The following MYCT1 variants were observed in gnomAD, a reference collection of about 807,000 sequenced individuals.
MYCT1 encodes the protein myc target protein 1.
A neutral mutation model predicts 15.0 loss-of-function variants in MYCT1; 12 were observed. The ratio of observed to expected loss-of-function variants is 0.80; its 90% CI spans 0.51 to 1.29. The LOEUF is 1.29. Among genes scored for constraint, MYCT1 ranks in the 50% most tolerant of loss-of-function variants. MYCT1 has a pLI of 0.00. For synonymous variants in MYCT1, 104 were observed against 102.7 expected, an observed-to-expected ratio of 1.01 and a Z score of -0.07; for missense variants, 287 against 279.1, an observed-to-expected ratio of 1.03 and a Z score of -0.20.
intron 1 of MYCT1, chr6:152,706,019 A>G (rs2244197): frequency 0.7 from 692,927 of 996,098 alleles, 245,207 homozygotes; most frequent in East Asian, 0.84. Flanking sequence ...TGGCCTCTCC[A>G]TTAACTACAG....
At chr6:152,728,956 A>G (rs2099726111), downstream of MYCT1, among the ~76,000 whole-genome samples, 1 of 152,198 alleles carries the variant, frequency 6.6e-6, no homozygotes, top group Admixed American at 6.5e-5. Context: ...GAATAGCAAC[A>G]GAATACAGTC....
At chr6:152,731,695 G>A in the MYCT1 span, among the ~76,000 whole-genome samples, 3 of 151,590 alleles carry the variant, frequency 2.0e-5, no homozygotes, top group South Asian at 4.2e-4. Context: ...AATTATTGAA[G>A]AGCCCACTCC....
At chr6:152,714,049 T>C (rs2099723196) in intron 1 of MYCT1, among the ~76,000 whole-genome samples, 1 of 151,998 alleles carries the variant, frequency 6.6e-6, no homozygotes, top group Non-Finnish European at 1.5e-5. Flanking sequence ...CTTGAAAGGG[T>C]CAGTTCATAA....
rs979498357 is a variant in MYCT1 at position 152,722,482 on chromosome 6, T to C, written c.*229T>C. 2.1e-5 allele frequency: 10 copies of C among 474,220 alleles called. No individual in the cohort carries two copies. The highest frequency in any genetic ancestry group is 1.2e-4 in the Admixed American group (3 of 25,592). The allele number at this position is 474,220 out of a possible 1,614,324, so 29.4% of individuals were successfully genotyped here. On this transcript the variant is annotated 3_prime_UTR_variant, in exon 2 of 2. Coordinates refer to ENST00000367245, the MANE Select transcript of MYCT1 (RefSeq NM_025107.3). ...TTTTCCCCCAAGCGTTTTATATTTA[T>C]GTATTTTGTATTCAATGTGAGGCTT...
intron 1 of MYCT1, among the ~76,000 whole-genome samples, chr6:152,702,637 T>C (rs558623783): frequency 9.3e-4 from 141 of 152,190 alleles, no homozygotes; most frequent in African/African-American, 3.3e-3. Flanking sequence ...CATAGGATGT[T>C]CCCCAAGAAG....
chr6:152,708,714 A>T (rs2099722710), intron 1 of MYCT1, among the ~76,000 whole-genome samples: 1 of 152,058 alleles, frequency 6.6e-6, no homozygotes, highest in South Asian at 2.1e-4. Flanking sequence ...TTACTCTGAT[A>T]CTATTTCTGA....
chr6:152,717,097 A>G (rs1163142301), intron 1 of MYCT1, among the ~76,000 whole-genome samples: 1 of 152,166 alleles, frequency 6.6e-6, no homozygotes, highest in Non-Finnish European at 1.5e-5. Context: ...CTGTATGACC[A>G]GTAGATGCTG....
In MYCT1 at chr6:152,722,339, G is replaced by T; in HGVS notation, c.*86G>T. 2 of 1,374,132 alleles carry T rather than the reference G, an allele frequency of 1.5e-6. No homozygotes were observed. Among genetic ancestry groups the T allele is most frequent in the Non-Finnish European group, 2.0e-6 (2 of 1,021,052 alleles). The allele number at this position is 1,374,132 out of a possible 1,614,324, so 85.1% of individuals were successfully genotyped here. A position where few individuals can be genotyped will look rare whatever the true frequency, so the allele number is the denominator to read the frequency against. On this transcript the variant is annotated 3_prime_UTR_variant, in exon 2 of 2. Transcript: ENST00000367245. The stretch of plus-strand genomic sequence containing the variant: ...AAATAGGCTAAACAGAATTTTGAGG[G>T]CATGGCCCAAATAACTCATGAGTTC...
Position 152,721,893 on chromosome 6 carries a change from C to T in MYCT1, c.348C>T (p.Tyr116=). Reference sequence around the variant, plus strand: ...CAAGCAGGAGATCTAGGTCTTCTTACACCCACGGCCTCAACAGAACTGGAT... The same window carrying T: ...CAAGCAGGAGATCTAGGTCTTCTTATACCCACGGCCTCAACAGAACTGGAT... ...WSSSRRSRSS[Y]THGLNRTGFY... is the part of the protein sequence containing the mutation. The change falls in exon 2 of 2, where the codon TAC becomes TAT. Residue 116 remains tyrosine, a synonymous_variant. Transcript: ENST00000367245. 1 of 1,614,128 alleles carries T rather than the reference C, an allele frequency of 6.2e-7. No individual in the cohort carries two copies. Among genetic ancestry groups the T allele is most frequent in the East Asian group, 2.2e-5 (1 of 44,872 alleles).
chr6:152,721,923 C>G lies in MYCT1; in HGVS notation c.378C>G (p.Tyr126Ter), dbSNP rs529302802. 200 of 1,614,138 alleles carry G rather than the reference C, an allele frequency of 1.2e-4. No homozygotes were observed. Among genetic ancestry groups the G allele is most frequent in the Non-Finnish European group, 1.6e-4 (194 of 1,180,006 alleles). The change falls in exon 2 of 2, where the codon TAC (tyrosine) becomes TAG (stop). Residue 126 changes from tyrosine to a stop codon, truncating the protein, a stop_gained. Transcript: ENST00000367245. LOFTEE classifies it high-confidence loss of function. Reference protein sequence around the residue: ...YTHGLNRTGFYRHSGCERRSN... With the variant: ...YTHGLNRTGF The stretch of plus-strand genomic sequence containing the variant: ...ACGGCCTCAACAGAACTGGATTTTA[C>G]CGCCACAGTGGCTGTGAACGTCGAA...
rs1052717053 is a variant in MYCT1 at position 152,723,250 on chromosome 6, A to G, written c.*997A>G. 21 of 152,122 alleles carry G rather than the reference A, an allele frequency of 1.4e-4. No individual in the cohort carries two copies. Among genetic ancestry groups the G allele is most frequent in the Admixed American group, 1.3e-3 (20 of 15,272 alleles). The allele number at this position is 152,122 out of a possible 1,614,324, so 9.4% of individuals were successfully genotyped here. ...TACTTCCTGGAGGCAAAATCCTTGG[A>G]TTTACTAACATGATGATTTACCTTT... On this transcript the variant is annotated 3_prime_UTR_variant, in exon 2 of 2. Coordinates refer to ENST00000367245, the MANE Select transcript of MYCT1 (RefSeq NM_025107.3).
In MYCT1 at chr6:152,716,913, C is replaced by A. The variant is rs536704501; in HGVS notation, c.197-4829C>A. Among the ~76,000 whole-genome samples, 195 of 152,152 alleles carry A rather than the reference C, an allele frequency of 1.3e-3. 2 individuals are homozygous for A. The highest frequency in any genetic ancestry group is 1.7e-3 in the Non-Finnish European group (116 of 67,976). The stretch of plus-strand genomic sequence containing the variant: ...AGAAGAAAGATTATGGCTCATTTTT[C>A]TTCTCCTTAGATTGTTGAGAAGTAA... On this transcript the variant is annotated intron_variant, in intron 1 of 1. Coordinates refer to ENST00000367245, the MANE Select transcript of MYCT1 (RefSeq NM_025107.3).
At chr6:152,717,378 G>T (rs910495853) in intron 1 of MYCT1, among the ~76,000 whole-genome samples, 1 of 152,112 alleles carries the variant, frequency 6.6e-6, no homozygotes, top group Non-Finnish European at 1.5e-5. Context: ...TATTCTGCAA[G>T]GTATAAGAAT....
the MYCT1 span, among the ~76,000 whole-genome samples, chr6:152,737,574 T>G: frequency 1.3e-5 from 2 of 152,102 alleles, no homozygotes; most frequent in Non-Finnish European, 2.9e-5. Flanking sequence ...TCATACTATT[T>G]GCTTGTGAAG....
At chr6:152,714,878 C>T (rs1397946310) in intron 1 of MYCT1, among the ~76,000 whole-genome samples, 1 of 151,782 alleles carries the variant, frequency 6.6e-6, no homozygotes, top group Non-Finnish European at 1.5e-5. Context: ...AACTTTCCTT[C>T]TGGCAGTTAG....
At position 152,698,104 on chromosome 6, in the gene MYCT1, G is replaced by GT; in HGVS notation, c.196+7dup. Reference sequence around the variant, plus strand: ...ATGGCCAGAAAACTTTTGGGGTAAGGTATTTTCTTTTACTGTTTAAAATTT... The same window carrying GT: ...ATGGCCAGAAAACTTTTGGGGTAAGGTTATTTTCTTTTACTGTTTAAAATTT... On this transcript the variant is annotated splice_region_variant and intron_variant, in intron 1 of 1. Coordinates refer to ENST00000367245, the MANE Select transcript of MYCT1 (RefSeq NM_025107.3). 1 of 1,525,234 alleles carries GT rather than the reference G, an allele frequency of 6.6e-7. No individual in the cohort carries two copies. The highest frequency in any genetic ancestry group is 8.8e-7 in the Non-Finnish European group (1 of 1,140,944). 94.5% of individuals were successfully genotyped at this position (1,525,234 alleles called of 1,614,324 possible).
the MYCT1 span, among the ~76,000 whole-genome samples, chr6:152,745,602 T>G: frequency 6.6e-6 from 1 of 152,200 alleles, no homozygotes; most frequent in Non-Finnish European, 1.5e-5. Flanking sequence ...CTCTTTTCCC[T>G]CAGAGTAGCA....
At chr6:152,698,315 T>C (rs934594119) in intron 1 of MYCT1, among the ~76,000 whole-genome samples, 1 of 151,610 alleles carries the variant, frequency 6.6e-6, no homozygotes, top group Admixed American at 6.6e-5. Flanking sequence ...TTTGTCTTTA[T>C]AGTGTTCTAT....
intron 1 of MYCT1, among the ~76,000 whole-genome samples, chr6:152,718,268 A>G (rs1244913275): frequency 1.3e-5 from 2 of 152,202 alleles, no homozygotes; most frequent in Admixed American, 6.5e-5. Flanking sequence ...TAACTTGCCC[A>G]TTAGAGTTTG....
Sources: allele counts gnomAD v4.1 joint callset (sites outside exome capture counted in the v4.1 genomes callset), GRCh38; gene constraint gnomAD v4.1.1; transcripts MANE v1.5; gene names NCBI Gene and HGNC (gene_info 2026-07-23, HGNC 2026-07-21).